The following ERFE variants were observed in gnomAD, a reference collection of about 807,000 sequenced individuals.
ERFE encodes erythroferrone.
Under a neutral mutation model 26.6 loss-of-function variants are expected in ERFE, and 25 were observed. That is an observed-to-expected ratio of 0.94 (90% confidence interval 0.69 to 1.31). The LOEUF (loss-of-function observed/expected upper bound fraction) is 1.31. Among genes scored for constraint, ERFE ranks in the 40% most tolerant of loss-of-function variants. The pLI, the probability that ERFE is intolerant of heterozygous loss-of-function variation, is 0.00. For missense variants in ERFE, 447 were observed against 440.2 expected (o/e 1.02, Z -0.14); for synonymous variants, 206 against 204.5 (o/e 1.01, Z -0.06).
intron 3 of ERFE, chr2:238,163,502 C>G: frequency 2.4e-6 from 1 of 416,634 alleles, no homozygotes; most frequent in Non-Finnish European, 4.0e-6. Flanking sequence ...GGCTGGAGGC[C>G]AAGGGCGCTG....
chr2:238,161,519 C>T (rs1329808916), intron 1 of ERFE, 75 bp from the exon 2 acceptor site: 2 of 1,451,954 alleles, frequency 1.4e-6, no homozygotes, highest in East Asian at 2.5e-5. Context: ...ACACAGTCAC[C>T]TCCTGCAAAG....
intron 3 of ERFE, chr2:238,163,527 G>C: frequency 1.8e-6 from 1 of 543,506 alleles, no homozygotes; most frequent in East Asian, 3.8e-5. Context: ...ACTTCTGCCC[G>C]AGCTTCCCAA....
At chr2:238,166,271 G>T (rs1693034050) in intron 7 of ERFE, among the ~76,000 whole-genome samples, 1 of 152,256 alleles carries the variant, frequency 6.6e-6, no homozygotes, top group African/African-American at 2.4e-5. Flanking sequence ...TTTGGAGAAG[G>T]TAGAGCTACT....
chr2:238,164,370 C>T lies in ERFE; in HGVS notation c.887+10C>T, dbSNP rs545676953. The T allele has an allele frequency of 1.2e-5, 19 of 1,543,122 alleles. No individual in the cohort carries two copies. The highest frequency in any genetic ancestry group is 2.5e-5 in the East Asian group (1 of 40,646). ...GGTGCCAGCGCAACGCGTGAGTGTA[C>T]CCCGGCCCGGACCCCACACCCGCAT... On this transcript the variant is annotated intron_variant, in intron 6 of 7. Coordinates refer to ENST00000546354, the MANE Select transcript of ERFE (RefSeq NM_001291832.2).
Position 238,167,544 on chromosome 2 carries a change from A to T in ERFE, c.*490A>T, listed in dbSNP as rs748497818. 2 of 431,116 alleles carry T rather than the reference A, an allele frequency of 4.6e-6. No homozygotes were observed. Among genetic ancestry groups the T allele is most frequent in the South Asian group, 3.3e-5 (2 of 60,702 alleles). The allele number at this position is 431,116 out of a possible 1,614,324, so 26.7% of individuals were successfully genotyped here. A position where few individuals can be genotyped will look rare whatever the true frequency, so the allele number is the denominator to read the frequency against. On this transcript the variant is annotated 3_prime_UTR_variant, in exon 8 of 8. Transcript: ENST00000546354. ...CGTACGCTGTGTGTTCTTACTGCTTAGAAGGGACGGGGTCACTCACCACTC... is the reference window on the plus strand; with the variant it reads ...CGTACGCTGTGTGTTCTTACTGCTTTGAAGGGACGGGGTCACTCACCACTC...
rs141305284 is a variant in ERFE, at chr2:238,161,624, G to A, written c.229G>A (p.Asp77Asn). The change falls in exon 2 of 8, where the codon GAC becomes AAC. Residue 77 changes from aspartate to asparagine, a missense_variant. Asp to Asn is a conservative substitution (Grantham distance 23, BLOSUM62 1). Transcript: ENST00000546354. ...EPTAERAHSV[D>N]PRDAWMLFVR... ...CACCGCTGAGCGTGCACACAGCGTC[G>A]ACCCCCGGGACGCCTGGATGCTCTT... 3.2e-4 allele frequency: 495 copies of A among 1,545,422 alleles called. No individual in the cohort carries two copies. The highest frequency in any genetic ancestry group is 2.4e-3 in the African/African-American group (177 of 73,108).
chr2:238,164,229 C>A, intron 5 of ERFE, 41 bp from the exon 6 acceptor site: 2 of 1,436,308 alleles, frequency 1.4e-6, no homozygotes, highest in Non-Finnish European at 1.8e-6. Context: ...TCGCCCACCC[C>A]GCCGCCCGCC....
At position 238,163,979 on chromosome 2, in the gene ERFE, G is replaced by T. The variant is rs1457308932; in HGVS notation, c.667G>T (p.Glu223Ter). 2 of 1,386,168 alleles carry T rather than the reference G, an allele frequency of 1.4e-6. No individual in the cohort carries two copies. The highest frequency in any genetic ancestry group is 3.0e-5 in the African/African-American group (2 of 65,990). The allele number at this position is 1,386,168 out of a possible 1,614,324, so 85.9% of individuals were successfully genotyped here. Residue 223 changes from glutamate to a stop codon, truncating the protein, a stop_gained, in exon 4 of 8, where the codon GAG becomes TAG. Transcript: ENST00000546354. LOFTEE classifies it high-confidence loss of function. ...GTTGGTGGAGCGGCGCGCGCTGCAC[G>T]AGCTTGGCGTCTACTACCTGGTGAG... ...DALVERRALHELGVYYLPDAE... is the reference protein window; with the variant it reads ...DALVERRALH
chr2:238,166,956 A>T lies in ERFE; in HGVS notation c.967A>T (p.Met323Leu), dbSNP rs1274700715. 1 of 1,550,200 alleles carries T rather than the reference A, an allele frequency of 6.5e-7. No homozygotes were observed. Among genetic ancestry groups the T allele is most frequent in the Admixed American group, 2.0e-5 (1 of 50,974 alleles). ...TGCCTCAAAGGCACCCTCCTTGCAG[A>T]TGGGGCAGTGGACCTCCGTGTTCTT... is the stretch of plus-strand genomic sequence containing the variant. Reference protein sequence around the residue: ...ISVNGVLYLQMGQWTSVFLDN... With the variant: ...ISVNGVLYLQLGQWTSVFLDN... The change falls in exon 8 of 8, where the codon ATG becomes TTG. Residue 323 changes from methionine to leucine, a missense_variant and splice_region_variant. Transcript: ENST00000546354.
At position 238,164,372 on chromosome 2, in the gene ERFE, C is replaced by T. The variant is rs560770498; in HGVS notation, c.887+12C>T. On this transcript the variant is annotated intron_variant, in intron 6 of 7. Transcript: ENST00000546354. ...TGCCAGCGCAACGCGTGAGTGTACCCCGGCCCGGACCCCACACCCGCATTC... is the reference window on the plus strand; with the variant it reads ...TGCCAGCGCAACGCGTGAGTGTACCTCGGCCCGGACCCCACACCCGCATTC... 17 of 1,542,706 alleles carry T rather than the reference C, an allele frequency of 1.1e-5. No individual in the cohort carries two copies. The highest frequency in any genetic ancestry group is 2.0e-5 in the Admixed American group (1 of 50,942).
In ERFE at chr2:238,164,009, G is replaced by C; in HGVS notation, c.687+10G>C. 7.3e-7 allele frequency: 1 copy of C among 1,375,948 alleles called. No homozygotes were observed. 85.2% of individuals were successfully genotyped at this position (1,375,948 alleles called of 1,614,324 possible). On this transcript the variant is annotated intron_variant, in intron 4 of 7. Coordinates refer to ENST00000546354, the MANE Select transcript of ERFE (RefSeq NM_001291832.2). ...TGGCGTCTACTACCTGGTGAGTGCCGGCGCGCGGGAGGGCGGGTGAGTCCG... is the reference window on the plus strand; with the variant it reads ...TGGCGTCTACTACCTGGTGAGTGCCCGCGCGCGGGAGGGCGGGTGAGTCCG...
chr2:238,166,465 G>A (rs34110624), intron 7 of ERFE, among the ~76,000 whole-genome samples: 42,207 of 152,210 alleles, frequency 0.28, 6,248 homozygotes, highest in South Asian at 0.37. Context: ...GCAGGTCTGG[G>A]TGGATCCCAG....
At position 238,167,297 on chromosome 2, in the gene ERFE, G is replaced by T; in HGVS notation, c.*243G>T. The T allele has an allele frequency of 1.4e-6, 1 of 693,024 alleles. No individual in the cohort carries two copies. Among genetic ancestry groups the T allele is most frequent in the Non-Finnish European group, 2.6e-6 (1 of 379,428 alleles). 42.9% of individuals were successfully genotyped at this position (693,024 alleles called of 1,614,324 possible). ...CCATCTTGGGCTCTTATCCAGGAAA[G>T]AAAGAGTCGGCGTGCCTGGGGGCAC... is the stretch of plus-strand genomic sequence containing the variant. On this transcript the variant is annotated 3_prime_UTR_variant, in exon 8 of 8. Transcript: ENST00000546354.
Position 238,168,541 on chromosome 2 carries a change from T to C in ERFE, c.*1487T>C, listed in dbSNP as rs1693086801. The C allele has an allele frequency of 4.5e-6, 2 of 446,150 alleles. No homozygotes were observed. Among genetic ancestry groups the C allele is most frequent in the African/African-American group, 4.1e-5 (2 of 49,030 alleles). The allele number at this position is 446,150 out of a possible 1,614,324, so 27.6% of individuals were successfully genotyped here. On this transcript the variant is annotated 3_prime_UTR_variant, in exon 8 of 8. Transcript: ENST00000546354. ...CCGAATGATCCCCAGGAGCCCAGCT[T>C]CCAAACCCCAACATCGAATCAAACA...
chr2:238,162,937 G>C, intron 3 of ERFE, 99 bp downstream of exon 3: 1 of 918,080 alleles, frequency 1.1e-6, no homozygotes, highest in Non-Finnish European at 1.7e-6. Flanking sequence ...ACACTTCGGC[G>C]GGCACCCAAG....
chr2:238,161,645 CTCT>C lies in ERFE; in HGVS notation c.253_255del (p.Phe85del), dbSNP rs1692940666. ...CGTCGACCCCCGGGACGCCTGGATG[CTCT>C]TCGTCAGGCAGAGTGACAAGGGTGT... is the stretch of plus-strand genomic sequence containing the variant. On this transcript the variant is annotated inframe_deletion, in exon 2 of 8. Coordinates refer to ENST00000546354, the MANE Select transcript of ERFE (RefSeq NM_001291832.2). The C allele has an allele frequency of 6.5e-7, 1 of 1,548,124 alleles. No homozygotes were observed. The highest frequency in any genetic ancestry group is 8.7e-7 in the Non-Finnish European group (1 of 1,144,968).
rs1264005325 is a variant in ERFE, at chr2:238,167,286, T to C, written c.*232T>C. 2.9e-6 allele frequency: 2 copies of C among 700,742 alleles called. No homozygotes were observed. The highest frequency in any genetic ancestry group is 1.7e-5 in the African/African-American group (1 of 57,352). The allele number at this position is 700,742 out of a possible 1,614,324, so 43.4% of individuals were successfully genotyped here. On this transcript the variant is annotated 3_prime_UTR_variant, in exon 8 of 8. Coordinates refer to ENST00000546354, the MANE Select transcript of ERFE (RefSeq NM_001291832.2). Reference sequence around the variant, plus strand: ...GATTCAGGACACCATCTTGGGCTCTTATCCAGGAAAGAAAGAGTCGGCGTG... The same window carrying C: ...GATTCAGGACACCATCTTGGGCTCTCATCCAGGAAAGAAAGAGTCGGCGTG...
At chr2:238,166,793 C>T (rs987566083) in intron 7 of ERFE, among the ~76,000 whole-genome samples, 163 bp from the exon 8 acceptor site, 10 of 152,368 alleles carry the variant, frequency 6.6e-5, no homozygotes, top group African/African-American at 1.9e-4. Flanking sequence ...CCAACCCGTG[C>T]GGGCCCTTGC....
In ERFE at chr2:238,164,083, C is replaced by T; in HGVS notation, c.696C>T (p.Ala232=). Residue 232 remains alanine (A), a synonymous_variant, in exon 5 of 8, where the codon GCC becomes GCT. Transcript: ENST00000546354. ...ATCCGTGCCCCTCGCAGCCCGACGC[C>T]GAGGGTGCCTTCCGCCGCGGCCCGG... ...HELGVYYLPD[A]EGAFRRGPGL... is the part of the protein sequence containing the mutation. The T allele has an allele frequency of 7.0e-7, 1 of 1,423,146 alleles. No individual in the cohort carries two copies. Among genetic ancestry groups the T allele is most frequent in the East Asian group, 3.0e-5 (1 of 33,100 alleles). The allele number at this position is 1,423,146 out of a possible 1,614,324, so 88.2% of individuals were successfully genotyped here.
Sources: allele counts gnomAD v4.1 joint callset (sites outside exome capture counted in the v4.1 genomes callset), GRCh38; gene constraint gnomAD v4.1.1; transcripts MANE v1.5; gene names NCBI Gene and HGNC (gene_info 2026-07-23, HGNC 2026-07-21).